DLGAP2: variants seen among roughly 807,000 people sequenced by gnomAD.
The protein encoded by DLGAP2 is DLG associated protein 2, also known as disks large-associated protein 2.
DLGAP2 carries 26 observed loss-of-function variants against 100.3 expected under a neutral mutation model. The ratio of observed to expected loss-of-function variants is 0.26; its 90% CI spans 0.19 to 0.36. The LOEUF (loss-of-function observed/expected upper bound fraction) is 0.36, where lower values mean the gene tolerates loss of function less well. Ranked by LOEUF, DLGAP2 falls within the 10% of genes least tolerant of loss-of-function variation. The pLI, the probability that DLGAP2 is intolerant of heterozygous loss-of-function variation, is 1.00. For missense variants in DLGAP2, 1,858 were observed against 1,453.2 expected (o/e 1.28, Z -4.53); for synonymous variants, 886 against 630.1 (o/e 1.41, Z -6.08).
At position 1,167,189 on chromosome 8, in the gene DLGAP2, C is replaced by G. The variant is rs563238304; in HGVS notation, c.74-91662C>G. 1.3e-3 allele frequency among the ~76,000 whole-genome samples: 194 copies of G among 151,996 alleles called. 1 individual carries two copies. Among genetic ancestry groups the G allele is most frequent in the African/African-American group, 4.6e-3 (189 of 41,472 alleles). ...GTAAAAGCCTCCTGACTTACATGAC[C>G]GAAAAAGTTAGAAGAAAAAAGCACA... On this transcript the variant is annotated intron_variant, in intron 2 of 14. Coordinates refer to ENST00000637795, the MANE Select transcript of DLGAP2 (RefSeq NM_001346810.2).
At chr8:1,273,192 T>A (rs1799616505) in intron 3 of DLGAP2, among the ~76,000 whole-genome samples, 1 of 152,174 alleles carries the variant, frequency 6.6e-6, no homozygotes. Context: ...CGGGTTAGTC[T>A]ACAGGGGGGC....
At chr8:1,267,623 T>TAAAATAAAATAAAATAAAATAAAATA (rs57138660) in intron 3 of DLGAP2, among the ~76,000 whole-genome samples, 2 of 76,624 alleles carry the variant, frequency 2.6e-5, no homozygotes, top group African/African-American at 6.6e-5. Context: ...TAAGATAAGA[T>TAAAATAAAATAAAATAAAATAAAATA]AAATATTAAA....
chr8:1,143,652 C>T (rs1411124025), intron 2 of DLGAP2, among the ~76,000 whole-genome samples: 4 of 152,296 alleles, frequency 2.6e-5, no homozygotes, highest in African/African-American at 9.6e-5. Flanking sequence ...CGGGCCTCTC[C>T]TTCCCTCACC....
At chr8:1,228,180 A>C (rs1798461294) in intron 2 of DLGAP2, among the ~76,000 whole-genome samples, 1 of 94,562 alleles carries the variant, frequency 1.1e-5, no homozygotes, top group Non-Finnish European at 2.5e-5. Context: ...ATACATATGT[A>C]ACAAACCTGC....
chr8:895,373 A>G (rs998823537), intron 1 of DLGAP2, among the ~76,000 whole-genome samples: 1 of 152,188 alleles, frequency 6.6e-6, no homozygotes, highest in Non-Finnish European at 1.5e-5. Context: ...GTGTTGTTTT[A>G]TCTGCAGCAT....
At chr8:1,408,516 G>C (rs1051242745) in intron 3 of DLGAP2, among the ~76,000 whole-genome samples, 58 of 152,244 alleles carry the variant, frequency 3.8e-4, no homozygotes, top group Admixed American at 1.1e-3. Context: ...GGCCTTGGAT[G>C]ATGAGGGTGC....
intron 8 of DLGAP2, among the ~76,000 whole-genome samples, chr8:1,638,504 C>G (rs1442724782): frequency 6.6e-6 from 1 of 152,088 alleles, no homozygotes; most frequent in African/African-American, 2.4e-5. Flanking sequence ...ACACGGGGGC[C>G]AGAGTCATGT....
At chr8:1,436,996 A>G (rs1360375012) in intron 3 of DLGAP2, among the ~76,000 whole-genome samples, 1 of 152,252 alleles carries the variant, frequency 6.6e-6, no homozygotes, top group Admixed American at 6.5e-5. Flanking sequence ...CGTTCGGCCC[A>G]GGCGTGTAGG....
At chr8:1,630,408 A>G (rs1797612122) in intron 7 of DLGAP2, among the ~76,000 whole-genome samples, 1 of 152,192 alleles carries the variant, frequency 6.6e-6, no homozygotes, top group Non-Finnish European at 1.5e-5. Flanking sequence ...AAGTTTGTTG[A>G]AAGTTTGCCC....
intron 2 of DLGAP2, among the ~76,000 whole-genome samples, chr8:1,183,273 C>T (rs1361893129): frequency 6.6e-6 from 1 of 151,906 alleles, no homozygotes; most frequent in South Asian, 2.1e-4. Context: ...AGGGGAGACT[C>T]CAGAATAATA....
intron 5 of DLGAP2, among the ~76,000 whole-genome samples, chr8:1,563,124 CATTGCTGGGGGACTGTGTGGT>C (rs1802241809): frequency 3.2e-5 from 2 of 62,298 alleles, no homozygotes; most frequent in African/African-American, 1.4e-4. Context: ...GTCCGCGCCT[CATTGCTGGGGGACTGTGTGGT>C]GTTGGGGTGT....
chr8:1,646,021 G>A (rs947643743), intron 8 of DLGAP2, among the ~76,000 whole-genome samples: 2 of 152,170 alleles, frequency 1.3e-5, no homozygotes, highest in South Asian at 2.1e-4. Flanking sequence ...ATAGTGTGAT[G>A]GTGGAGTTCA....
intron 2 of DLGAP2, among the ~76,000 whole-genome samples, chr8:1,077,792 T>C (rs1181762179): frequency 2.0e-5 from 3 of 152,216 alleles, no homozygotes; most frequent in Non-Finnish European, 4.4e-5. Context: ...CAAACTCCCC[T>C]TTTCCACAAG....
chr8:1,363,545 G>T (rs1204941439), intron 3 of DLGAP2, among the ~76,000 whole-genome samples: 1 of 152,216 alleles, frequency 6.6e-6, no homozygotes, highest in Non-Finnish European at 1.5e-5. Flanking sequence ...AGGGATGGTG[G>T]GGTCCCCGGC....
intron 6 of DLGAP2, among the ~76,000 whole-genome samples, chr8:1,570,379 C>T (rs1293160421): frequency 1.3e-5 from 2 of 152,256 alleles, no homozygotes; most frequent in African/African-American, 4.8e-5. Flanking sequence ...ATGTTCACTC[C>T]TGGGGGCTCT....
chr8:1,140,743 G>A (rs1042302331), intron 2 of DLGAP2, among the ~76,000 whole-genome samples: 1 of 152,170 alleles, frequency 6.6e-6, no homozygotes, highest in Non-Finnish European at 1.5e-5. Flanking sequence ...AGGCTGAGGT[G>A]GGCAGATCAC....
chr8:1,163,817 G>T (rs952036500), intron 2 of DLGAP2, among the ~76,000 whole-genome samples: 1 of 152,198 alleles, frequency 6.6e-6, no homozygotes, highest in Non-Finnish European at 1.5e-5. Context: ...TGCCCGCGGG[G>T]TGTGCTTGGG....
intron 2 of DLGAP2, among the ~76,000 whole-genome samples, chr8:1,076,669 A>G (rs1803623040): frequency 6.6e-6 from 1 of 152,216 alleles, no homozygotes. Flanking sequence ...GGAATGAAGC[A>G]TCGTCTTCCT....
intron 2 of DLGAP2, among the ~76,000 whole-genome samples, chr8:1,192,651 T>C (rs903966387): frequency 6.8e-6 from 1 of 146,406 alleles, no homozygotes; most frequent in African/African-American, 2.6e-5. Context: ...CTTGGCTTTA[T>C]GTATCTGGTT....
Sources: gnomAD v4.1 joint callset for allele counts (sites outside exome capture counted in the v4.1 genomes callset) on GRCh38, gnomAD v4.1.1 for gene constraint, MANE v1.5 for transcripts, NCBI Gene and HGNC (gene_info 2026-07-23, HGNC 2026-07-21) for gene names.